Variants in L3MBTL4 observed in about 807,000 individuals in gnomAD.
L3MBTL4 encodes the protein lethal(3)malignant brain tumor-like protein 4.
A neutral mutation model predicts 84.5 loss-of-function variants in L3MBTL4; 70 were observed. The observed-to-expected ratio is 0.83, with a 90% CI of 0.68 to 1.01. The LOEUF (loss-of-function observed/expected upper bound fraction) is 1.01. L3MBTL4 is among the 50% of genes least tolerant of loss of function. The pLI is 0.00. For missense variants in L3MBTL4, 715 were observed against 754.8 expected (o/e 0.95, Z 0.62); for synonymous variants, 274 against 259.8 (o/e 1.05, Z -0.52).
At chr18:6,129,368 CTGTGTGTGTG>C (rs772735191) in intron 14 of L3MBTL4, among the ~76,000 whole-genome samples, 56 of 138,302 alleles carry the variant, frequency 4.0e-4, no homozygotes, top group East Asian at 1.3e-3. Context: ...GGAATTCTCT[CTGTGTGTGTG>C]TGTGTGTGTG....
At chr18:6,171,097 A>G (rs1025765548) in intron 13 of L3MBTL4, among the ~76,000 whole-genome samples, 3 of 152,208 alleles carry the variant, frequency 2.0e-5, no homozygotes, top group African/African-American at 7.2e-5. Context: ...GGCTGGCTCC[A>G]TGTAAGATAT....
intron 4 of L3MBTL4, among the ~76,000 whole-genome samples, chr18:6,282,228 T>A (rs1385004625): frequency 2.0e-5 from 3 of 152,140 alleles, no homozygotes; most frequent in Non-Finnish European, 2.9e-5. Context: ...CCATCACACT[T>A]CCCTCACGAG....
At chr18:6,249,071 C>A (rs557246704) in intron 5 of L3MBTL4, among the ~76,000 whole-genome samples, 1 of 152,252 alleles carries the variant, frequency 6.6e-6, no homozygotes, top group East Asian at 1.9e-4. Flanking sequence ...ACTCTCCCAG[C>A]CTTCTTCTCA....
At chr18:6,236,302 T>G (rs1477461758) in intron 10 of L3MBTL4, among the ~76,000 whole-genome samples, 1 of 152,220 alleles carries the variant, frequency 6.6e-6, no homozygotes, top group Non-Finnish European at 1.5e-5. Context: ...GCAATGGATT[T>G]TCAATAAGGG....
At chr18:6,166,219 C>A (rs1405191926) in intron 13 of L3MBTL4, among the ~76,000 whole-genome samples, 2 of 152,082 alleles carry the variant, frequency 1.3e-5, no homozygotes, top group Admixed American at 1.3e-4. Flanking sequence ...GACTCCCAAA[C>A]AATAATAATG....
intron 1 of L3MBTL4, among the ~76,000 whole-genome samples, chr18:6,369,047 T>G (rs1253756387): frequency 1.2e-5 from 1 of 86,236 alleles, no homozygotes; most frequent in Non-Finnish European, 2.9e-5. Flanking sequence ...GTCTCAAAAA[T>G]TAAAAAAAAA....
intron 1 of L3MBTL4, among the ~76,000 whole-genome samples, chr18:6,323,674 C>T (rs1035363329): frequency 6.6e-6 from 1 of 152,010 alleles, no homozygotes; most frequent in Non-Finnish European, 1.5e-5. Flanking sequence ...GCTCATATAA[C>T]AGCCTATGCT....
intron 14 of L3MBTL4, among the ~76,000 whole-genome samples, chr18:6,124,551 T>C (rs1356364959): frequency 6.6e-6 from 1 of 151,730 alleles, no homozygotes; most frequent in African/African-American, 2.4e-5. Flanking sequence ...AACTAGAAGA[T>C]GATAGCAAGC....
intron 17 of L3MBTL4, among the ~76,000 whole-genome samples, chr18:5,961,021 A>G (rs151028462): frequency 1.1e-3 from 174 of 152,352 alleles, no homozygotes; most frequent in Middle Eastern, 3.4e-3. Flanking sequence ...CTGTCGCAGC[A>G]GGGGATGAAA....
intron 16 of L3MBTL4, chr18:6,080,095 G>C (rs1338355387): frequency 6.6e-6 from 1 of 152,404 alleles, no homozygotes. Context: ...CTTAAGAAAA[G>C]TCCAATGGGT....
intron 5 of L3MBTL4, 105 bp from the exon 6 acceptor site, chr18:6,244,693 T>C: frequency 1.3e-6 from 1 of 767,102 alleles, no homozygotes; most frequent in Non-Finnish European, 2.2e-6. Flanking sequence ...ATTGAACTCA[T>C]AGAAACAGAG....
intron 16 of L3MBTL4, among the ~76,000 whole-genome samples, chr18:6,076,197 T>C (rs1352692296): frequency 1.3e-5 from 2 of 152,250 alleles, no homozygotes; most frequent in Non-Finnish European, 2.9e-5. Context: ...AGAATGTTCC[T>C]AGTGGAAACA....
chr18:6,371,596 A>T (rs913749519), intron 1 of L3MBTL4, among the ~76,000 whole-genome samples: 12 of 152,186 alleles, frequency 7.9e-5, no homozygotes, highest in Admixed American at 7.9e-4. Flanking sequence ...CATATCTTCC[A>T]AAAAATGGCC....
intron 5 of L3MBTL4, among the ~76,000 whole-genome samples, chr18:6,251,027 T>C (rs778144024): frequency 1.3e-5 from 2 of 152,154 alleles, no homozygotes; most frequent in Non-Finnish European, 2.9e-5. Flanking sequence ...TTGACAAAAT[T>C]TGATGACTTT....
chr18:6,188,002 C>CA (rs201235418), intron 12 of L3MBTL4, among the ~76,000 whole-genome samples: 5,952 of 143,850 alleles, frequency 0.041, 174 homozygotes, highest in African/African-American at 0.076. Flanking sequence ...TAGATCAAAA[C>CA]AAAAAAAAAA....
chr18:6,299,765 G>A (rs896699565), intron 4 of L3MBTL4, among the ~76,000 whole-genome samples: 1 of 152,116 alleles, frequency 6.6e-6, no homozygotes, highest in Non-Finnish European at 1.5e-5. Flanking sequence ...GACCTTCTGA[G>A]TTCAAGCTAT....
At chr18:6,242,888 T>C (rs150905308) in intron 7 of L3MBTL4, among the ~76,000 whole-genome samples, 54 of 152,356 alleles carry the variant, frequency 3.5e-4, no homozygotes, top group African/African-American at 1.3e-3. Context: ...TTTTCCGTGA[T>C]TCCTAAGTCT....
chr18:6,272,020 A>ATAAG (rs2048893129), intron 4 of L3MBTL4, among the ~76,000 whole-genome samples: 1 of 152,240 alleles, frequency 6.6e-6, no homozygotes, highest in African/African-American at 2.4e-5. Context: ...GGCAGATGAC[A>ATAAG]TAAGCTCTTG....
At chr18:6,305,210 A>G (rs2050528530) in intron 3 of L3MBTL4, among the ~76,000 whole-genome samples, 1 of 152,254 alleles carries the variant, frequency 6.6e-6, no homozygotes, top group African/African-American at 2.4e-5. Flanking sequence ...ATTTAGTATC[A>G]TATGGTAGAG....
Sources: allele counts gnomAD v4.1 joint callset (sites outside exome capture counted in the v4.1 genomes callset), GRCh38; gene constraint gnomAD v4.1.1; transcripts MANE v1.5; gene names NCBI Gene and HGNC (gene_info 2026-07-23, HGNC 2026-07-21).